The following C7 variants were observed in gnomAD, a reference collection of about 807,000 sequenced individuals.
C7 encodes complement component C7.
A neutral mutation model predicts 104.8 loss-of-function variants in C7; 83 were observed. The observed-to-expected ratio is 0.79, with a 90% CI of 0.66 to 0.95. The LOEUF (loss-of-function observed/expected upper bound fraction) is 0.95. Ranked by LOEUF, C7 falls within the 40% of genes least tolerant of loss-of-function variation. C7 has a pLI of 0.00. For missense variants in C7, 1,070 were observed against 1,011.2 expected (o/e 1.06, Z -0.79); for synonymous variants, 415 against 360.6 (o/e 1.15, Z -1.71).
intron 1 of C7, among the ~76,000 whole-genome samples, chr5:40,928,346 G>T (rs1230333965): frequency 6.6e-6 from 1 of 151,984 alleles, no homozygotes. Context: ...TTAAATTGGG[G>T]TATCATACAT....
intron 7 of C7, 150 bp from the exon 8 acceptor site, chr5:40,947,452 T>C: frequency 1.3e-6 from 1 of 799,190 alleles, no homozygotes; most frequent in Admixed American, 2.6e-5. Context: ...AGTGGGCCCA[T>C]AAGAGTGCTC....
At chr5:40,932,171 A>G (rs1463609094) in intron 3 of C7, among the ~76,000 whole-genome samples, 2 of 152,280 alleles carry the variant, frequency 1.3e-5, no homozygotes, top group East Asian at 3.9e-4. Flanking sequence ...AGATTATTTT[A>G]TCATAGTTTT....
At chr5:40,970,368 ATG>A in intron 14 of C7, among the ~76,000 whole-genome samples, 1 of 152,162 alleles carries the variant, frequency 6.6e-6, no homozygotes, top group East Asian at 1.9e-4. Context: ...TGTTTATACT[ATG>A]TGTGTTTTTT....
At position 40,979,825 on chromosome 5, in the gene C7, A is replaced by G. The variant is rs1021993808; in HGVS notation, c.2266A>G (p.Thr756Ala). 2 of 1,613,418 alleles carry G rather than the reference A, an allele frequency of 1.2e-6. No homozygotes were observed. The highest frequency in any genetic ancestry group is 2.7e-5 in the African/African-American group (2 of 74,884). Residue 756 changes from threonine (T) to alanine (A), a missense_variant, in exon 17 of 18, where the codon ACC (threonine) becomes GCC (alanine). Transcript: ENST00000313164. ...TCTCCACTGTCAGGGTAGAAATTAC[A>G]CCCTTACTGGTAGGGACAGCTGTAC... ...HVLHCQGRNYTLTGRDSCTLP... is the reference protein window; with the variant it reads ...HVLHCQGRNYALTGRDSCTLP...
intron 14 of C7, 90 bp downstream of exon 14, chr5:40,964,963 T>C (rs998796892): frequency 2.1e-6 from 3 of 1,420,150 alleles, no homozygotes; most frequent in East Asian, 2.3e-5. Flanking sequence ...ATATGGCCCA[T>C]GTGTTGGCCT....
chr5:40,942,245 A>G (rs1335158458), intron 6 of C7, among the ~76,000 whole-genome samples: 1 of 152,184 alleles, frequency 6.6e-6, no homozygotes, highest in African/African-American at 2.4e-5. Context: ...TAACAGGTAA[A>G]GCATTTCTTA....
At chr5:40,951,689 A>G (rs1740173893) in intron 9 of C7, among the ~76,000 whole-genome samples, 1 of 152,150 alleles carries the variant, frequency 6.6e-6, no homozygotes, top group Non-Finnish European at 1.5e-5. Context: ...TGAGACTGCA[A>G]TGCATTGTGT....
At chr5:40,923,553 C>A (rs1289910821) in intron 1 of C7, among the ~76,000 whole-genome samples, 1 of 152,088 alleles carries the variant, frequency 6.6e-6, no homozygotes, top group Non-Finnish European at 1.5e-5. Context: ...AAAGACCAGC[C>A]TGGCCAACAT....
At chr5:40,942,768 CTTTTT>C (rs530693111) in intron 6 of C7, among the ~76,000 whole-genome samples, 2 of 138,758 alleles carry the variant, frequency 1.4e-5, no homozygotes, top group Non-Finnish European at 1.6e-5. Flanking sequence ...TTCTTTCTTT[CTTTTT>C]TTTTTTTTTT....
rs550792695 is a variant in C7, at chr5:40,928,701, T to C, written c.62+66T>C. 541 of 1,013,294 alleles carry C rather than the reference T, an allele frequency of 5.3e-4. 1 individual carries two copies. The highest frequency in any genetic ancestry group is 5.5e-4 in the Non-Finnish European group (368 of 672,352). The allele number at this position is 1,013,294 out of a possible 1,614,324, so 62.8% of individuals were successfully genotyped here. On this transcript the variant is annotated intron_variant, in intron 2 of 17. Coordinates refer to ENST00000313164, the MANE Select transcript of C7 (RefSeq NM_000587.4). ...AAAAAATGTTTTAGTAATTCTTTAG[T>C]CTAATTTTGACATTGCACTTTGAAT...
chr5:40,961,171 A>G (rs764746011), intron 12 of C7, among the ~76,000 whole-genome samples: 6 of 152,206 alleles, frequency 3.9e-5, no homozygotes, highest in Non-Finnish European at 7.3e-5. Context: ...ACGTAAATCC[A>G]GCTTTGGTAT....
chr5:40,962,627 A>G (rs894768000), intron 13 of C7, among the ~76,000 whole-genome samples: 2 of 152,136 alleles, frequency 1.3e-5, no homozygotes, highest in African/African-American at 4.8e-5. Context: ...TGAGATATGG[A>G]TCATTCTACT....
intron 12 of C7, among the ~76,000 whole-genome samples, chr5:40,961,676 G>A (rs1456503841): frequency 1.3e-5 from 2 of 152,098 alleles, no homozygotes; most frequent in Admixed American, 6.6e-5. Flanking sequence ...GTGAGCTGTC[G>A]CATCTCGTCC....
chr5:40,911,038 G>A (rs1380053859), intron 1 of C7: 3 of 151,886 alleles, frequency 2.0e-5, no homozygotes, highest in Non-Finnish European at 4.4e-5. Flanking sequence ...AACAAATAAA[G>A]CAATTAATTT....
rs527537948 is a variant in C7, at chr5:40,938,512, T to A, written c.567+822T>A. ...GTGCCTGAGTCCCATACAAATGAAC[T>A]AGAGCTTCTCCAGGGCATACACCTG... On this transcript the variant is annotated intron_variant, in intron 6 of 17. Transcript: ENST00000313164. Among the ~76,000 whole-genome samples the A allele has an allele frequency of 2.0e-4, 31 of 152,272 alleles. 1 individual carries two copies. Among genetic ancestry groups the A allele is most frequent in the African/African-American group, 5.8e-4 (24 of 41,560 alleles).
At position 40,939,164 on chromosome 5, in the gene C7, G is replaced by A. The variant is rs116084374; in HGVS notation, c.567+1474G>A. 3.6e-3 allele frequency among the ~76,000 whole-genome samples: 546 copies of A among 152,268 alleles called. 5 individuals carry two copies. The highest frequency in any genetic ancestry group is 0.013 in the African/African-American group (526 of 41,550). On this transcript the variant is annotated intron_variant, in intron 6 of 17. Transcript: ENST00000313164. ...TACCCAAATTAACCTTCTCCAGAAAGCAGCTTTGATTATAAATAGCAAACA... is the reference window on the plus strand; with the variant it reads ...TACCCAAATTAACCTTCTCCAGAAAACAGCTTTGATTATAAATAGCAAACA...
At chr5:40,946,393 A>C (rs915302279) in intron 7 of C7, among the ~76,000 whole-genome samples, 1 of 152,226 alleles carries the variant, frequency 6.6e-6, no homozygotes, top group Admixed American at 6.5e-5. Context: ...TTAATAAATC[A>C]CTTAGGAAAA....
rs973200094 is a variant in C7 at position 40,928,683 on chromosome 5, G to T, written c.62+48G>T. On this transcript the variant is annotated intron_variant, in intron 2 of 17. Transcript: ENST00000313164. ...GTAAAAATCATTAAATTTAAAAAAT[G>T]TTTTAGTAATTCTTTAGTCTAATTT... 2.5e-6 allele frequency: 3 copies of T among 1,224,042 alleles called. No homozygotes were observed. In the Admixed American group the frequency reaches 6.4e-5, roughly 26 times the overall value. 75.8% of individuals were successfully genotyped at this position (1,224,042 alleles called of 1,614,324 possible).
intron 5 of C7, among the ~76,000 whole-genome samples, chr5:40,937,025 G>C (rs1433894412): frequency 6.6e-6 from 1 of 152,090 alleles, no homozygotes; most frequent in Admixed American, 6.6e-5. Context: ...AGGGTCATAT[G>C]ACTTGTTAAG....
Sources: allele counts gnomAD v4.1 joint callset (sites outside exome capture counted in the v4.1 genomes callset), GRCh38; gene constraint gnomAD v4.1.1; transcripts MANE v1.5; gene names NCBI Gene and HGNC (gene_info 2026-07-23, HGNC 2026-07-21).